TUBG2: variants seen among roughly 807,000 people sequenced by gnomAD.
The protein encoded by TUBG2 is tubulin gamma-2 chain.
A neutral mutation model predicts 55.1 loss-of-function variants in TUBG2; 39 were observed. The observed-to-expected ratio is 0.71, with a 90% CI of 0.55 to 0.93. The LOEUF (loss-of-function observed/expected upper bound fraction) is 0.93. Among genes scored for constraint, TUBG2 ranks in the 40% least tolerant of loss-of-function variants. The probability of loss-of-function intolerance (pLI) is 0.00; values close to 1 mark genes in which losing one functional copy is unlikely to be tolerated. For missense variants in TUBG2, 358 were observed against 599.1 expected, an observed-to-expected ratio of 0.60 and a Z score of 4.20; for synonymous variants, 223 against 241.0, an observed-to-expected ratio of 0.93 and a Z score of 0.69.
chr17:42,663,994 C>G (rs1054664367), intron 6 of TUBG2, among the ~76,000 whole-genome samples: 26 of 149,240 alleles, frequency 1.7e-4, no homozygotes, highest in African/African-American at 4.7e-4. Flanking sequence ...GTAGTCCCAG[C>G]TACTTGGAGG....
intron 6 of TUBG2, among the ~76,000 whole-genome samples, chr17:42,664,629 C>G (rs965886470): frequency 3.3e-5 from 5 of 151,688 alleles, no homozygotes; most frequent in African/African-American, 9.7e-5. Context: ...AGGGAGTTAA[C>G]TATAATTTTC....
intron 4 of TUBG2, 113 bp from the exon 5 acceptor site, chr17:42,662,860 G>C: frequency 1.0e-6 from 1 of 984,904 alleles, no homozygotes; most frequent in Non-Finnish European, 1.5e-6. Context: ...ATCTACTGTA[G>C]AATTGACTGC....
chr17:42,662,750 C>G (rs73301673), intron 4 of TUBG2, among the ~76,000 whole-genome samples: 1 of 152,134 alleles, frequency 6.6e-6, no homozygotes, highest in Non-Finnish European at 1.5e-5. Context: ...TCCTGATAAA[C>G]CCATCATAAA....
chr17:42,663,760 A>G (rs1309660202), intron 6 of TUBG2, among the ~76,000 whole-genome samples: 1 of 152,122 alleles, frequency 6.6e-6, no homozygotes, highest in African/African-American at 2.4e-5. Flanking sequence ...CCTGACCAAC[A>G]TGAAGAAACC....
intron 4 of TUBG2, among the ~76,000 whole-genome samples, chr17:42,662,452 A>G (rs2143517942): frequency 6.6e-6 from 1 of 152,232 alleles, no homozygotes; most frequent in Non-Finnish European, 1.5e-5. Context: ...CGAAAAATAA[A>G]AAAATTAGCC....
Position 42,659,424 on chromosome 17 carries a change from C to A in TUBG2, c.-80C>A. ...GAAGAGAGCGCGCGCTCCCCACGTC[C>A]TGCGCTCCTGGCTGCCGGGCATTCG... is the stretch of plus-strand genomic sequence containing the variant. On this transcript the variant is annotated 5_prime_UTR_variant, in exon 1 of 11. The change creates a new upstream start codon in the 5' untranslated region. Coordinates refer to ENST00000251412, the MANE Select transcript of TUBG2 (RefSeq NM_016437.3). The A allele has an allele frequency of 6.9e-7, 1 of 1,457,188 alleles. No homozygotes were observed. The highest frequency in any genetic ancestry group is 1.3e-5 in the South Asian group (1 of 78,502). The allele number at this position is 1,457,188 out of a possible 1,614,324, so 90.3% of individuals were successfully genotyped here.
In TUBG2 at chr17:42,663,460, C is replaced by T; in HGVS notation, c.563C>T (p.Ser188Leu). 1 of 1,614,124 alleles carries T rather than the reference C, an allele frequency of 6.2e-7. No individual in the cohort carries two copies. Among genetic ancestry groups the T allele is most frequent in the Non-Finnish European group, 8.5e-7 (1 of 1,179,994 alleles). ...GACGTAGTGGTTCAGCCCTACAATT[C>T]ACTCCTGACACTCAAGAGGCTGACG... ...MSDVVVQPYN[S>L]LLTLKRLTQN... The change falls in exon 6 of 11, where the codon TCA (serine) becomes TTA (leucine). Residue 188 changes from serine to leucine, a missense_variant. By Grantham distance (145) the Ser-to-Leu change is moderately radical. Around this residue, in one of 8 missense-constraint regions of TUBG2, gnomAD observed 4 missense variants for 18.4 expected, o/e 0.22. Transcript: ENST00000251412.
chr17:42,661,669 G>A (rs762289984), intron 4 of TUBG2, among the ~76,000 whole-genome samples: 29 of 152,238 alleles, frequency 1.9e-4, no homozygotes, highest in Admixed American at 1.4e-3. Context: ...ACTCCTATGC[G>A]CCGGACCCTT....
chr17:42,665,849 C>T (rs548491648), intron 8 of TUBG2, 22 bp downstream of exon 8: 4 of 1,614,020 alleles, frequency 2.5e-6, no homozygotes, highest in South Asian at 1.1e-5. Context: ...CTTCAGTGTC[C>T]CAGGCCAGGC....
chr17:42,659,636 C>T, intron 1 of TUBG2, 84 bp downstream of exon 1: 8 of 1,444,714 alleles, frequency 5.5e-6, no homozygotes, highest in Non-Finnish European at 7.4e-6. Flanking sequence ...ACCAGTCCCC[C>T]TTTCCCTTCC....
Position 42,666,231 on chromosome 17 carries a change from C to T in TUBG2, c.988C>T (p.Pro330Ser). ...ILNIIQGEVD[P>S]TQVHKSLQRI... is the part of the protein sequence containing the mutation. ...CAACATCATCCAGGGAGAGGTGGACCCCACCCAGGTAGGGGAGGCCCCTTC... is the reference window on the plus strand; with the variant it reads ...CAACATCATCCAGGGAGAGGTGGACTCCACCCAGGTAGGGGAGGCCCCTTC... Residue 330 changes from proline to serine, a missense_variant, in exon 9 of 11, where the codon CCC (proline) becomes TCC (serine). Physicochemically the swap from Pro to Ser is moderately conservative, Grantham distance 74. This residue lies in a region of TUBG2 where 129 missense variants were observed against 251.6 expected (regional missense o/e 0.51). Transcript: ENST00000251412. The T allele has an allele frequency of 1.9e-6, 3 of 1,613,976 alleles. No individual in the cohort carries two copies. Among genetic ancestry groups the T allele is most frequent in the Non-Finnish European group, 2.5e-6 (3 of 1,179,864 alleles).
Position 42,666,914 on chromosome 17 carries a change from C to T in TUBG2, c.*114C>T. ...CAACCCTTCTTGGTTCATCTCCAGC[C>T]CGTGAGCTGGTCCTGCTTCCTCCCT... On this transcript the variant is annotated 3_prime_UTR_variant, in exon 11 of 11. Transcript: ENST00000251412. 1 of 1,112,608 alleles carries T rather than the reference C, an allele frequency of 9.0e-7. No homozygotes were observed. The highest frequency in any genetic ancestry group is 1.3e-6 in the Non-Finnish European group (1 of 768,390). 68.9% of individuals were successfully genotyped at this position (1,112,608 alleles called of 1,614,324 possible).
chr17:42,665,075 T>G (rs1019390411), intron 6 of TUBG2, among the ~76,000 whole-genome samples: 1 of 151,722 alleles, frequency 6.6e-6, no homozygotes, highest in East Asian at 1.9e-4. Flanking sequence ...TGAGACGGAG[T>G]CTTGCTCTGT....
rs1475127332 is a variant in TUBG2 at position 42,666,794 on chromosome 17, G to A, written c.1350G>A (p.Glu450=). The part of the protein sequence containing the change: ...QPDYISWGTQ[E]Q ...ACTACATTTCCTGGGGCACCCAGGA[G>A]CAGTGATTTCCCTCCCCACTACTCC... Residue 450 remains glutamate, a synonymous_variant, in exon 11 of 11, where the codon GAG becomes GAA. Transcript: ENST00000251412. 6.2e-7 allele frequency: 1 copy of A among 1,614,022 alleles called. No individual in the cohort carries two copies. Among genetic ancestry groups the A allele is most frequent in the Non-Finnish European group, 8.5e-7 (1 of 1,179,964 alleles).
In TUBG2 at chr17:42,666,180, A is replaced by C. The variant is rs776024152; in HGVS notation, c.937A>C (p.Thr313Pro). The change falls in exon 9 of 11, where the codon ACC (threonine) becomes CCC (proline). Residue 313 changes from threonine (T) to proline (P), a missense_variant. Coordinates refer to ENST00000251412, the MANE Select transcript of TUBG2 (RefSeq NM_016437.3). ...GGTGTCCACAGGCCGAGACCGCCAG[A>C]CCAACCACTGCTACATCGCCATCCT... ...VMVSTGRDRQ[T>P]NHCYIAILNI... 1.9e-6 allele frequency: 3 copies of C among 1,613,942 alleles called. No individual in the cohort carries two copies. Among genetic ancestry groups the C allele is most frequent in the Non-Finnish European group, 2.5e-6 (3 of 1,179,862 alleles).
intron 4 of TUBG2, chr17:42,661,411 G>A (rs1056539759): frequency 6.6e-6 from 1 of 152,310 alleles, no homozygotes; most frequent in Non-Finnish European, 1.5e-5. Context: ...TGGATGGGGG[G>A]CTGGTTGCCA....
rs369989953 is a variant in TUBG2 at position 42,665,443 on chromosome 17, T to C, written c.607-33T>C. 2.0e-5 allele frequency: 32 copies of C among 1,613,844 alleles called. No homozygotes were observed. In the African/African-American group the frequency reaches 3.9e-4, roughly 20 times the overall value. ...TCTTATTTCTATGCCCATTTTATCC[T>C]CAAGATGCTGTGATGCTCTTCTGTC... On this transcript the variant is annotated intron_variant, in intron 6 of 10. Coordinates refer to ENST00000251412, the MANE Select transcript of TUBG2 (RefSeq NM_016437.3).
intron 6 of TUBG2, among the ~76,000 whole-genome samples, chr17:42,663,708 C>G (rs866102306): frequency 7.2e-5 from 11 of 152,244 alleles, no homozygotes; most frequent in Middle Eastern, 3.4e-3. Flanking sequence ...CTTTGGGAGG[C>G]TGAGACGGGC....
In TUBG2 at chr17:42,659,318, C is replaced by T. The variant is rs2052324912; in HGVS notation, c.-186C>T. On this transcript the variant is annotated 5_prime_UTR_variant, in exon 1 of 11. Coordinates refer to ENST00000251412, the MANE Select transcript of TUBG2 (RefSeq NM_016437.3). ...GCGACTGCTGAGGGAGAAAATGATG[C>T]CCAGGTTGGGCTCCCCGGCCCACCG... 5.4e-6 allele frequency: 3 copies of T among 555,888 alleles called. No homozygotes were observed. In the East Asian group the frequency reaches 1.0e-4, roughly 19 times the overall value. 34.4% of individuals were successfully genotyped at this position (555,888 alleles called of 1,614,324 possible).
Sources: allele counts gnomAD v4.1 joint callset (sites outside exome capture counted in the v4.1 genomes callset), GRCh38; gene constraint gnomAD v4.1.1; regional missense constraint gnomAD v4.1.1; transcripts MANE v1.5; gene names NCBI Gene and HGNC (gene_info 2026-07-23, HGNC 2026-07-21).